SLC35F1: variants seen among roughly 807,000 people sequenced by gnomAD.
The protein encoded by SLC35F1 is chromosome 6 open reading frame 169.
SLC35F1 carries 14 observed loss-of-function variants against 48.7 expected under a neutral mutation model. The ratio of observed to expected loss-of-function variants is 0.29; its 90% CI spans 0.19 to 0.45. SLC35F1 has a LOEUF of 0.45. Ranked by LOEUF, SLC35F1 falls within the 20% of genes least tolerant of loss-of-function variation. The probability of loss-of-function intolerance (pLI) is 1.00; values close to 1 mark genes in which losing one functional copy is unlikely to be tolerated. For synonymous variants in SLC35F1, 190 were observed against 202.2 expected (o/e 0.94, Z 0.51); for missense variants, 404 against 500.0 (o/e 0.81, Z 1.83).
intron 1 of SLC35F1, among the ~76,000 whole-genome samples, chr6:117,932,199 TCTG>T (rs1776110596): frequency 6.6e-6 from 1 of 152,178 alleles, no homozygotes; most frequent in Admixed American, 6.5e-5. Context: ...AGACACGAAA[TCTG>T]CTGGCACCTG....
chr6:118,263,110 G>T (rs371198705), intron 3 of SLC35F1, among the ~76,000 whole-genome samples: 2 of 152,162 alleles, frequency 1.3e-5, no homozygotes, highest in South Asian at 2.1e-4. Flanking sequence ...AGGATGGAGT[G>T]CAGTGGTACA....
chr6:118,158,900 T>A (rs533678454), intron 2 of SLC35F1, among the ~76,000 whole-genome samples: 1 of 152,238 alleles, frequency 6.6e-6, no homozygotes, highest in East Asian at 1.9e-4. Context: ...TCTATATAGG[T>A]GTTCTTCCAG....
At chr6:118,295,716 C>T (rs1776175182) in intron 7 of SLC35F1, among the ~76,000 whole-genome samples, 1 of 152,150 alleles carries the variant, frequency 6.6e-6, no homozygotes, top group Non-Finnish European at 1.5e-5. Flanking sequence ...AAAATGACAT[C>T]TTAAAAGGCT....
At chr6:118,300,050 A>G (rs1022483161) in intron 7 of SLC35F1, among the ~76,000 whole-genome samples, 1 of 152,206 alleles carries the variant, frequency 6.6e-6, no homozygotes, top group Non-Finnish European at 1.5e-5. Flanking sequence ...GGCTAGTAGA[A>G]TTGTTAGTAC....
intron 2 of SLC35F1, among the ~76,000 whole-genome samples, chr6:118,164,011 G>T (rs1418630018): frequency 6.6e-6 from 1 of 152,186 alleles, no homozygotes; most frequent in Non-Finnish European, 1.5e-5. Flanking sequence ...ACTTAGAACT[G>T]CATAATAATT....
At chr6:118,126,399 T>C (rs1320222480) in intron 1 of SLC35F1, among the ~76,000 whole-genome samples, 4 of 152,230 alleles carry the variant, frequency 2.6e-5, no homozygotes, top group African/African-American at 9.6e-5. Flanking sequence ...TAGTATAGTT[T>C]GAAGTCAGGT....
chr6:117,938,383 A>G (rs554253148), intron 1 of SLC35F1, among the ~76,000 whole-genome samples: 1 of 152,330 alleles, frequency 6.6e-6, no homozygotes, highest in South Asian at 2.1e-4. Context: ...TAAACTCACT[A>G]TTCGAAACCT....
chr6:118,268,303 C>A (rs1320021314), intron 4 of SLC35F1, among the ~76,000 whole-genome samples: 1 of 152,096 alleles, frequency 6.6e-6, no homozygotes, highest in Non-Finnish European at 1.5e-5. Flanking sequence ...GAAGATACAA[C>A]ATAGAACAAA....
intron 3 of SLC35F1, among the ~76,000 whole-genome samples, chr6:118,265,966 A>G (rs1775768431): frequency 6.6e-6 from 1 of 152,230 alleles, no homozygotes; most frequent in South Asian, 2.1e-4. Flanking sequence ...AATCTGAATT[A>G]GTTCCATGGA....
chr6:117,992,264 A>G (rs189512751), intron 1 of SLC35F1, among the ~76,000 whole-genome samples: 12 of 152,184 alleles, frequency 7.9e-5, no homozygotes, highest in Admixed American at 7.9e-4. Flanking sequence ...GAGATATTTA[A>G]CATCATTGAA....
intron 1 of SLC35F1, among the ~76,000 whole-genome samples, chr6:118,012,135 G>A (rs965198519): frequency 6.6e-6 from 1 of 152,004 alleles, no homozygotes; most frequent in Non-Finnish European, 1.5e-5. Flanking sequence ...TGACCAAGAT[G>A]GAGAGAAGGA....
intron 1 of SLC35F1, among the ~76,000 whole-genome samples, chr6:117,964,749 C>T (rs115339689): frequency 1.8e-4 from 27 of 152,318 alleles, no homozygotes; most frequent in African/African-American, 6.0e-4. Context: ...GTTACAGAAA[C>T]ACCAGGGATT....
intron 4 of SLC35F1, among the ~76,000 whole-genome samples, chr6:118,272,763 A>G (rs866732016): frequency 6.4e-4 from 68 of 106,288 alleles, no homozygotes; most frequent in African/African-American, 1.1e-3. Flanking sequence ...ATATATATAT[A>G]TGTATATATA....
intron 2 of SLC35F1, among the ~76,000 whole-genome samples, chr6:118,185,339 G>A (rs1054268119): frequency 6.6e-6 from 1 of 152,090 alleles, no homozygotes; most frequent in Non-Finnish European, 1.5e-5. Flanking sequence ...GAAAATAAAA[G>A]CCAGAAAGAT....
chr6:118,138,455 T>C (rs774430434), intron 1 of SLC35F1, among the ~76,000 whole-genome samples: 2 of 152,188 alleles, frequency 1.3e-5, no homozygotes, highest in Non-Finnish European at 2.9e-5. Context: ...ACCTATGTTA[T>C]CTATCTCTCT....
At chr6:117,948,183 T>C (rs532732420) in intron 1 of SLC35F1, among the ~76,000 whole-genome samples, 5 of 152,324 alleles carry the variant, frequency 3.3e-5, no homozygotes, top group African/African-American at 1.2e-4. Context: ...AAGACAAATC[T>C]TAACTGTGTT....
intron 2 of SLC35F1, among the ~76,000 whole-genome samples, chr6:118,199,983 A>G (rs1273468435): frequency 6.6e-6 from 1 of 152,152 alleles, no homozygotes; most frequent in Non-Finnish European, 1.5e-5. Context: ...ATAAATTGCT[A>G]GAAATGTGAT....
At chr6:118,112,191 C>T (rs1454964936) in intron 1 of SLC35F1, among the ~76,000 whole-genome samples, 10 of 149,942 alleles carry the variant, frequency 6.7e-5, no homozygotes, top group East Asian at 2.0e-4. Context: ...TGCAGTGGCA[C>T]GATCTCGGCT....
intron 1 of SLC35F1, among the ~76,000 whole-genome samples, chr6:118,045,301 C>T (rs2114905331): frequency 6.6e-6 from 1 of 152,212 alleles, no homozygotes; most frequent in African/African-American, 2.4e-5. Context: ...ACAAAGTGTT[C>T]CTAGGCTGTT....
Sources: allele counts gnomAD v4.1 joint callset (sites outside exome capture counted in the v4.1 genomes callset), GRCh38; gene constraint gnomAD v4.1.1; transcripts MANE v1.5; gene names NCBI Gene and HGNC (gene_info 2026-07-23, HGNC 2026-07-21).